Variants in URM1 observed in about 807,000 individuals in gnomAD.
URM1 encodes ubiquitin related modifier 1, also known as ubiquitin-related modifier 1.
In URM1, 11 loss-of-function variants were observed where a neutral mutation model predicts 17.7. The ratio of observed to expected loss-of-function variants is 0.62; its 90% CI spans 0.39 to 1.03. The LOEUF (loss-of-function observed/expected upper bound fraction) is 1.03, where lower values mean the gene tolerates loss of function less well. URM1 is among the 50% of genes least tolerant of loss of function. URM1 has a pLI of 0.00. For synonymous variants in URM1, 48 were observed against 50.6 expected (o/e 0.95, Z 0.22); for missense variants, 128 against 129.2 (o/e 0.99, Z 0.04).
intron 2 of URM1, among the ~76,000 whole-genome samples, chr9:128,381,624 G>A (rs1833160912): frequency 6.6e-6 from 1 of 152,218 alleles, no homozygotes; most frequent in Admixed American, 6.5e-5. Context: ...GGTGGAGGTT[G>A]TATAGTGAGC....
intron 1 of URM1, 103 bp downstream of exon 1, chr9:128,371,518 T>A: frequency 8.3e-7 from 1 of 1,207,018 alleles, no homozygotes; most frequent in Non-Finnish European, 1.2e-6. Flanking sequence ...TCACTGGGTG[T>A]CCCAGTGCCC....
chr9:128,387,913 C>T lies in URM1; in HGVS notation c.188+16C>T. 2 of 1,613,866 alleles carry T rather than the reference C, an allele frequency of 1.2e-6. No individual in the cohort carries two copies. The highest frequency in any genetic ancestry group is 3.3e-5 in the Admixed American group (2 of 60,014). Reference sequence around the variant, plus strand: ...GAGACAGCGTGTGAGTCCCACTCCTCCCTTCCCTGAAGCAGGTGGAGGGAG... The same window carrying T: ...GAGACAGCGTGTGAGTCCCACTCCTTCCTTCCCTGAAGCAGGTGGAGGGAG... On this transcript the variant is annotated intron_variant, in intron 3 of 4. Coordinates refer to ENST00000372853, the MANE Select transcript of URM1 (RefSeq NM_030914.4). This position sits in a 1 kb window ranked among gnomAD's most constrained non-coding sequence, Gnocchi z 4.3.
Position 128,387,992 on chromosome 9 carries a change from C to T in URM1, c.188+95C>T, listed in dbSNP as rs1466811971. 1.5e-5 allele frequency: 23 copies of T among 1,526,220 alleles called. No homozygotes were observed. The highest frequency in any genetic ancestry group is 1.4e-4 in the African/African-American group (10 of 72,896). The allele number at this position is 1,526,220 out of a possible 1,614,324, so 94.5% of individuals were successfully genotyped here. On this transcript the variant is annotated intron_variant, in intron 3 of 4. Coordinates refer to ENST00000372853, the MANE Select transcript of URM1 (RefSeq NM_030914.4). The surrounding 1 kb of genome is among the most constrained non-coding windows in gnomAD (Gnocchi z 4.3). ...GTTCAGTCCTGGCCTTCTCTGAATC[C>T]GGTTCTCCCCTTCCTCCTCCCTAAC... is the stretch of plus-strand genomic sequence containing the variant.
Position 128,387,959 on chromosome 9 carries a change from AC to A in URM1, c.188+65del. The A allele has an allele frequency of 2.5e-6, 4 of 1,606,902 alleles. No homozygotes were observed. Among genetic ancestry groups the A allele is most frequent in the Non-Finnish European group, 3.4e-6 (4 of 1,176,766 alleles). On this transcript the variant is annotated intron_variant, in intron 3 of 4. Coordinates refer to ENST00000372853, the MANE Select transcript of URM1 (RefSeq NM_030914.4). This position sits in a 1 kb window ranked among gnomAD's most constrained non-coding sequence, Gnocchi z 4.3. ...GGGAGGGACGGATATTTGAGCCCCC[AC>A]CCTCGGGTTCAGTCCTGGCCTTCTC...
At chr9:128,376,662 A>G (rs981247600) in intron 1 of URM1, among the ~76,000 whole-genome samples, 55 of 150,646 alleles carry the variant, frequency 3.7e-4, no homozygotes, top group African/African-American at 1.2e-3. Flanking sequence ...CTCTGTCTCA[A>G]TAAATAAATT....
At chr9:128,373,384 A>T (rs1423603531) in intron 1 of URM1, among the ~76,000 whole-genome samples, 1 of 151,982 alleles carries the variant, frequency 6.6e-6, no homozygotes, top group Non-Finnish European at 1.5e-5. Flanking sequence ...CCAGAACTGG[A>T]GCAAATTTGC....
chr9:128,384,180 G>T (rs1323363055), intron 2 of URM1, among the ~76,000 whole-genome samples: 1 of 152,196 alleles, frequency 6.6e-6, no homozygotes, highest in African/African-American at 2.4e-5. Flanking sequence ...AGGTCCTCTG[G>T]CTGTAGACTC....
intron 3 of URM1, 45 bp from the exon 4 acceptor site, chr9:128,389,216 C>A: frequency 6.4e-7 from 1 of 1,561,774 alleles, no homozygotes. Context: ...GTGCTACTGC[C>A]TCCTGCCTCT....
At chr9:128,386,853 G>T (rs1324927849) in intron 2 of URM1, among the ~76,000 whole-genome samples, 1 of 152,246 alleles carries the variant, frequency 6.6e-6, no homozygotes, top group Non-Finnish European at 1.5e-5. Flanking sequence ...CAACCTGTCT[G>T]CTGGCTTCCC....
chr9:128,382,356 G>T (rs1448595229), intron 2 of URM1, among the ~76,000 whole-genome samples: 2 of 152,150 alleles, frequency 1.3e-5, no homozygotes, highest in Non-Finnish European at 2.9e-5. Flanking sequence ...GCCTGGTGCT[G>T]CTAGGAGAGT....
chr9:128,377,022 GATA>G (rs1588579389), intron 1 of URM1, among the ~76,000 whole-genome samples: 1 of 152,044 alleles, frequency 6.6e-6, no homozygotes, highest in Non-Finnish European at 1.5e-5. Flanking sequence ...GGTGCCTAAT[GATA>G]ATAATAATTA....
At chr9:128,371,367 T>G (rs377739832), upstream of URM1, 12 of 1,612,750 alleles carry the variant, frequency 7.4e-6, no homozygotes, top group African/African-American at 1.3e-5. Context: ...TCCTGCGAGC[T>G]CGGCTTCCTC....
rs1290502229 is a variant in URM1 at position 128,391,417 on chromosome 9, A to C, written c.*1683A>C. ...TGGGGAGGAGCTGGTCTGGGTGCAAATTAAGGCCAGTGTTGGGGTCTGAGT... is the reference window on the plus strand; with the variant it reads ...TGGGGAGGAGCTGGTCTGGGTGCAACTTAAGGCCAGTGTTGGGGTCTGAGT... On this transcript the variant is annotated 3_prime_UTR_variant, in exon 5 of 5. Coordinates refer to ENST00000372853, the MANE Select transcript of URM1 (RefSeq NM_030914.4). 6.6e-6 allele frequency: 1 copy of C among 152,224 alleles called. No homozygotes were observed. The highest frequency in any genetic ancestry group is 1.5e-5 in the Non-Finnish European group (1 of 68,170). 9.4% of individuals were successfully genotyped at this position (152,224 alleles called of 1,614,324 possible).
chr9:128,378,117 G>A lies in URM1; in HGVS notation c.106+11G>A. 1.3e-6 allele frequency: 2 copies of A among 1,592,962 alleles called. No homozygotes were observed. Among genetic ancestry groups the A allele is most frequent in the Non-Finnish European group, 1.7e-6 (2 of 1,166,150 alleles). On this transcript the variant is annotated intron_variant, in intron 2 of 4. Transcript: ENST00000372853. ...GACAGGAGGAACCCTGTGAGTATTGGCTTTCTGAACCCCTCTCTTGGGGCC... is the reference window on the plus strand; with the variant it reads ...GACAGGAGGAACCCTGTGAGTATTGACTTTCTGAACCCCTCTCTTGGGGCC...
Position 128,391,300 on chromosome 9 carries a change from A to G in URM1, c.*1566A>G, listed in dbSNP as rs1833311278. On this transcript the variant is annotated 3_prime_UTR_variant, in exon 5 of 5. Transcript: ENST00000372853. ...GTGCACATCATTCTTTTGGGGGTAG[A>G]TGACCTGCTGGCTGGTGGGCTTTTC... 1 of 152,326 alleles carries G rather than the reference A, an allele frequency of 6.6e-6. No homozygotes were observed. The highest frequency in any genetic ancestry group is 1.5e-5 in the Non-Finnish European group (1 of 68,154). The allele number at this position is 152,326 out of a possible 1,614,324, so 9.4% of individuals were successfully genotyped here. A position where few individuals can be genotyped will look rare whatever the true frequency, so the allele number is the denominator to read the frequency against.
In URM1 at chr9:128,387,504, A is replaced by C. The variant is rs1234178196; in HGVS notation, c.107-312A>C. ...CTTGTGGGTAGGGGCCTGTCTCCTA[A>C]CCCTTTAGATGCGACAGTCCTCCCG... On this transcript the variant is annotated intron_variant, in intron 2 of 4. Transcript: ENST00000372853. This position sits in a 1 kb window ranked among gnomAD's most constrained non-coding sequence, Gnocchi z 4.3. Among the ~76,000 whole-genome samples the C allele has an allele frequency of 6.6e-6, 1 of 151,640 alleles. No homozygotes were observed. The highest frequency in any genetic ancestry group is 6.6e-5 in the Admixed American group (1 of 15,220).
intron 2 of URM1, among the ~76,000 whole-genome samples, chr9:128,385,400 C>T (rs1457825921): frequency 1.3e-5 from 2 of 152,152 alleles, no homozygotes; most frequent in Non-Finnish European, 2.9e-5. Context: ...TTCCCTCTTG[C>T]CCACTACCAT....
chr9:128,384,499 C>T (rs1264797124), intron 2 of URM1, among the ~76,000 whole-genome samples: 1 of 152,152 alleles, frequency 6.6e-6, no homozygotes, highest in Non-Finnish European at 1.5e-5. Flanking sequence ...ATTCCCTTTC[C>T]AGCTTCTGAT....
intron 1 of URM1, among the ~76,000 whole-genome samples, chr9:128,374,986 T>G (rs1043891590): frequency 5.9e-5 from 9 of 152,194 alleles, no homozygotes; most frequent in African/African-American, 2.2e-4. Context: ...GGAAGTCCTG[T>G]TTTTTTCTGA....
Sources: gnomAD v4.1 joint callset for allele counts (sites outside exome capture counted in the v4.1 genomes callset) on GRCh38, gnomAD v4.1.1 for gene constraint, Gnocchi (gnomAD v3.1) non-coding constraint, MANE v1.5 for transcripts, NCBI Gene and HGNC (gene_info 2026-07-23, HGNC 2026-07-21) for gene names.